Variants in OLFM3 observed in about 807,000 individuals in gnomAD.
OLFM3 encodes olfactomedin 3.
Under a neutral mutation model 48.6 loss-of-function variants are expected in OLFM3, and 20 were observed. The observed-to-expected ratio is 0.41, with a 90% CI of 0.29 to 0.60. The LOEUF (loss-of-function observed/expected upper bound fraction) is 0.60, where lower values mean the gene tolerates loss of function less well. Among genes scored for constraint, OLFM3 ranks in the 20% least tolerant of loss-of-function variants. OLFM3 has a pLI of 0.28. For missense variants in OLFM3, 437 were observed against 544.3 expected (o/e 0.80, Z 1.96); for synonymous variants, 222 against 198.1 (o/e 1.12, Z -1.01).
At chr1:101,919,656 T>A (rs1206514951) in intron 1 of OLFM3, among the ~76,000 whole-genome samples, 4 of 152,198 alleles carry the variant, frequency 2.6e-5, no homozygotes, top group Non-Finnish European at 4.4e-5. Flanking sequence ...GCCTTCGGAT[T>A]TTTACTTTTC....
chr1:101,848,352 T>C (rs771236359), intron 1 of OLFM3, among the ~76,000 whole-genome samples: 2 of 152,192 alleles, frequency 1.3e-5, no homozygotes, highest in South Asian at 2.1e-4. Flanking sequence ...TAAATAGTTT[T>C]GGCAGGAGAA....
At position 101,804,127 on chromosome 1, in the gene OLFM3, T is replaced by C; in HGVS notation, c.*111A>G. 1 of 844,860 alleles carries C rather than the reference T, an allele frequency of 1.2e-6. No individual in the cohort carries two copies. The highest frequency in any genetic ancestry group is 2.3e-5 in the South Asian group (1 of 44,388). The allele number at this position is 844,860 out of a possible 1,614,324, so 52.3% of individuals were successfully genotyped here. On this transcript the variant is annotated 3_prime_UTR_variant, in exon 6 of 6. Coordinates refer to ENST00000370103, the MANE Select transcript of OLFM3 (RefSeq NM_058170.4). This position sits in a 1 kb window ranked among gnomAD's most constrained non-coding sequence, Gnocchi z 4.5. The stretch of plus-strand genomic sequence containing the variant: ...AACACCAACTTTACAATAAAAATGC[T>C]TTGCTTTGGAGAAATGATGAAAAAT...
At chr1:101,836,745 G>GA (rs1171943328) in intron 2 of OLFM3, 134 bp downstream of exon 2, 54 of 869,712 alleles carry the variant, frequency 6.2e-5, no homozygotes, top group Non-Finnish European at 8.3e-5. Context: ...TCAAGGATCA[G>GA]AAAAAAAAGC....
intron 1 of OLFM3, among the ~76,000 whole-genome samples, chr1:101,923,010 G>C (rs1033860984): frequency 6.6e-6 from 1 of 152,154 alleles, no homozygotes; most frequent in East Asian, 1.9e-4. Flanking sequence ...CTCAGTTTTA[G>C]CTCAAACAAG....
intron 1 of OLFM3, among the ~76,000 whole-genome samples, chr1:101,983,676 T>A (rs552702291): frequency 6.6e-6 from 1 of 152,226 alleles, no homozygotes; most frequent in Non-Finnish European, 1.5e-5. Context: ...ATATTCTTCT[T>A]TAATAATTTT....
chr1:101,848,435 C>T (rs1656095630), intron 1 of OLFM3, among the ~76,000 whole-genome samples: 2 of 151,832 alleles, frequency 1.3e-5, no homozygotes, highest in South Asian at 2.1e-4. Flanking sequence ...CTTTCAAAAA[C>T]AGCTTTAAAC....
chr1:101,987,749 T>A (rs1661288924), intron 1 of OLFM3, among the ~76,000 whole-genome samples: 1 of 152,130 alleles, frequency 6.6e-6, no homozygotes, highest in African/African-American at 2.4e-5. Flanking sequence ...GCAATTCTTC[T>A]TAATCATCTT....
At chr1:101,991,008 AAAAAAAAAATATATAT>A (rs1192859023) in intron 1 of OLFM3, among the ~76,000 whole-genome samples, 57 of 98,240 alleles carry the variant, frequency 5.8e-4, no homozygotes, top group South Asian at 2.7e-3. Context: ...AAAAAAAAAA[AAAAAAAAAATATATAT>A]ATATATATAT....
At chr1:101,827,720 G>A (rs1002397367) in intron 3 of OLFM3, among the ~76,000 whole-genome samples, 7 of 152,052 alleles carry the variant, frequency 4.6e-5, no homozygotes, top group African/African-American at 1.7e-4. Flanking sequence ...GAGAAGCAAT[G>A]CAGCATTAGT....
intron 4 of OLFM3, among the ~76,000 whole-genome samples, chr1:101,813,870 AGAGTTAAT>A (rs1654198624): frequency 6.6e-6 from 1 of 152,202 alleles, no homozygotes; most frequent in African/African-American, 2.4e-5. Context: ...CTTTAAACGA[AGAGTTAAT>A]GTCCCAAAGC....
chr1:101,884,873 T>C lies in OLFM3; in HGVS notation c.70-47848A>G, dbSNP rs533290618. Among the ~76,000 whole-genome samples, 7 of 152,100 alleles carry C rather than the reference T, an allele frequency of 4.6e-5. No individual in the cohort carries two copies. The South Asian group carries it at 8.3e-4, about 18-fold the overall frequency. ...GAGTTCAATACCAAAGACCTCAAAG[T>C]GTTCTACTTGCCCTGAAACACACGT... On this transcript the variant is annotated intron_variant, in intron 1 of 5. Transcript: ENST00000370103.
At chr1:101,825,295 C>CA in intron 3 of OLFM3, 50 bp from the exon 4 acceptor site, 2 of 1,334,270 alleles carry the variant, frequency 1.5e-6, no homozygotes, top group Non-Finnish European at 2.1e-6. Context: ...ACAGATCATG[C>CA]TGCTCTGTTC....
rs566780084 is a variant in OLFM3, at chr1:101,946,115, A to G, written c.69+50633T>C. Among the ~76,000 whole-genome samples, 14 of 152,306 alleles carry G rather than the reference A, an allele frequency of 9.2e-5. 1 individual carries two copies. In the South Asian group the frequency reaches 2.5e-3, roughly 27 times the overall value. ...CCACTTGGGTGCCTTGGTCAGCAGC[A>G]TTCTTAAGTTTGCAGATCACTGAGA... is the stretch of plus-strand genomic sequence containing the variant. On this transcript the variant is annotated intron_variant, in intron 1 of 5. Coordinates refer to ENST00000370103, the MANE Select transcript of OLFM3 (RefSeq NM_058170.4).
At chr1:101,886,397 G>A (rs71662950) in intron 1 of OLFM3, among the ~76,000 whole-genome samples, 1 of 152,090 alleles carries the variant, frequency 6.6e-6, no homozygotes, top group African/African-American at 2.4e-5. Context: ...GTCTTGGGAA[G>A]GGAGGAGGCC....
chr1:101,960,804 A>G (rs541568386), intron 1 of OLFM3, among the ~76,000 whole-genome samples: 2 of 152,266 alleles, frequency 1.3e-5, no homozygotes, highest in East Asian at 1.9e-4. Context: ...TGCTAGTCCA[A>G]CTGAGAAAAA....
intron 1 of OLFM3, among the ~76,000 whole-genome samples, chr1:101,992,648 C>G (rs1278409826): frequency 6.7e-6 from 1 of 150,366 alleles, no homozygotes; most frequent in African/African-American, 2.4e-5. Context: ...GGCTTTTTCT[C>G]AGTTTCATTT....
At chr1:101,977,752 T>C (rs577643902) in intron 1 of OLFM3, among the ~76,000 whole-genome samples, 24 of 152,222 alleles carry the variant, frequency 1.6e-4, no homozygotes, top group African/African-American at 5.3e-4. Context: ...CCATCAAATA[T>C]AGCCTTTTAT....
chr1:101,923,576 A>G (rs773475760), intron 1 of OLFM3, among the ~76,000 whole-genome samples: 7 of 152,150 alleles, frequency 4.6e-5, no homozygotes, highest in Non-Finnish European at 8.8e-5. Flanking sequence ...TTTGGGGTAA[A>G]GTCTTACTAA....
chr1:101,818,516 A>G (rs1015877745), intron 4 of OLFM3, among the ~76,000 whole-genome samples: 1 of 152,144 alleles, frequency 6.6e-6, no homozygotes, highest in Non-Finnish European at 1.5e-5. Flanking sequence ...AATTTAATTT[A>G]AAGGAATAGT....
Sources: allele counts gnomAD v4.1 joint callset (sites outside exome capture counted in the v4.1 genomes callset), GRCh38; gene constraint gnomAD v4.1.1; non-coding constraint Gnocchi (gnomAD v3.1); transcripts MANE v1.5; gene names NCBI Gene and HGNC (gene_info 2026-07-23, HGNC 2026-07-21).